The following AGGF1 variants were observed in gnomAD, a reference collection of about 807,000 sequenced individuals.
The protein encoded by AGGF1 is angiogenic factor with G-patch and FHA domains 1, also known as angiogenic factor with G patch and FHA domains 1.
AGGF1 carries 56 observed loss-of-function variants against 86.5 expected under a neutral mutation model. The ratio of observed to expected loss-of-function variants is 0.65; its 90% confidence interval spans 0.52 to 0.81. The LOEUF (loss-of-function observed/expected upper bound fraction) is 0.81, where lower values mean the gene tolerates loss of function less well. Ranked by LOEUF, AGGF1 falls within the 30% of genes least tolerant of loss-of-function variation. The pLI, the probability that AGGF1 is intolerant of heterozygous loss-of-function variation, is 0.00. For synonymous variants in AGGF1, 313 were observed against 297.1 expected (o/e 1.05, Z -0.55); for missense variants, 816 against 850.9 (o/e 0.96, Z 0.51).
rs1394881324 is a variant in AGGF1, at chr5:77,048,168, C to A, written c.1209C>A (p.Asp403Glu). Residue 403 changes from aspartate to glutamate, a missense_variant, in exon 7 of 14, where the codon GAC becomes GAA. By Grantham distance (45) the Asp-to-Glu change is conservative. Coordinates refer to ENST00000312916, the MANE Select transcript of AGGF1 (RefSeq NM_018046.5). ...TAEDSEDEDEDKIWPPCIRVI... is the reference protein window; with the variant it reads ...TAEDSEDEDEEKIWPPCIRVI... The stretch of plus-strand genomic sequence containing the variant: ...CACTTCTTTCCTTGGCAGATGAAGA[C>A]AAAATTTGGCCCCCATGTATTAGAG... The A allele has an allele frequency of 6.2e-7, 1 of 1,609,694 alleles. No individual in the cohort carries two copies. The highest frequency in any genetic ancestry group is 1.7e-5 in the Admixed American group (1 of 60,006).
intron 5 of AGGF1, among the ~76,000 whole-genome samples, chr5:77,041,439 T>G (rs976939506): frequency 7.9e-5 from 12 of 151,958 alleles, no homozygotes; most frequent in Non-Finnish European, 1.5e-4. Flanking sequence ...TGGTGGCAGA[T>G]GCCTGTAATC....
rs544088027 is a variant in AGGF1 at position 77,063,340 on chromosome 5, G to A, written c.*88G>A. The A allele has an allele frequency of 7.8e-7, 1 of 1,284,082 alleles. No homozygotes were observed. The highest frequency in any genetic ancestry group is 2.5e-5 in the East Asian group (1 of 39,944). 79.5% of individuals were successfully genotyped at this position (1,284,082 alleles called of 1,614,324 possible). On this transcript the variant is annotated 3_prime_UTR_variant, in exon 14 of 14. Transcript: ENST00000312916. ...TCTCCCCAAAAGAATCAGCAGCACA[G>A]GGGAACTATGTCACAGTTTACCTCT... is the stretch of plus-strand genomic sequence containing the variant.
chr5:77,031,108 C>A, intron 1 of AGGF1, 132 bp downstream of exon 1: 2 of 970,836 alleles, frequency 2.1e-6, no homozygotes, highest in Non-Finnish European at 3.1e-6. Flanking sequence ...TAAGTAGAAG[C>A]TCAGCGCAGT....
rs1747612857 is a variant in AGGF1, at chr5:77,063,780, A to G, written c.*528A>G. The G allele has an allele frequency of 6.2e-6, 1 of 162,388 alleles. No homozygotes were observed. The highest frequency in any genetic ancestry group is 2.4e-5 in the African/African-American group (1 of 41,502). The allele number at this position is 162,388 out of a possible 1,614,324, so 10.1% of individuals were successfully genotyped here. ...GCCTAAGTAATGTTATTGAAGAACTAATGAACAGGTAACATATTGTAGAAA... is the reference window on the plus strand; with the variant it reads ...GCCTAAGTAATGTTATTGAAGAACTGATGAACAGGTAACATATTGTAGAAA... On this transcript the variant is annotated 3_prime_UTR_variant, in exon 14 of 14. Coordinates refer to ENST00000312916, the MANE Select transcript of AGGF1 (RefSeq NM_018046.5).
chr5:77,048,947 T>A lies in AGGF1; in HGVS notation c.1325T>A (p.Met442Lys). The change falls in exon 8 of 14, where the codon ATG becomes AAG. Residue 442 changes from methionine to lysine, a missense_variant. This residue lies in a region of AGGF1 where 565 missense variants were observed against 585.8 expected (regional missense o/e 0.96). Coordinates refer to ENST00000312916, the MANE Select transcript of AGGF1 (RefSeq NM_018046.5). Reference sequence around the variant, plus strand: ...ACTTAACTCTGCAGAGAAAAGGATATGGAACATACTCTCCGAATCCCTGAA... The same window carrying A: ...ACTTAACTCTGCAGAGAAAAGGATAAGGAACATACTCTCCGAATCCCTGAA... ...NPATIGREKD[M>K]EHTLRIPEVG... 1 of 1,613,778 alleles carries A rather than the reference T, an allele frequency of 6.2e-7. No homozygotes were observed. Among genetic ancestry groups the A allele is most frequent in the Non-Finnish European group, 8.5e-7 (1 of 1,179,852 alleles).
intron 5 of AGGF1, among the ~76,000 whole-genome samples, chr5:77,041,396 G>A (rs1191439547): frequency 2.0e-5 from 3 of 151,770 alleles, no homozygotes; most frequent in Non-Finnish European, 4.4e-5. Context: ...GTGAATCCCC[G>A]TCTCTACTAA....
At position 77,030,469 on chromosome 5, in the gene AGGF1, T is replaced by G. The variant is rs1292629904; in HGVS notation, c.-298T>G. The G allele has an allele frequency of 1.7e-6, 1 of 594,822 alleles. No individual in the cohort carries two copies. The highest frequency in any genetic ancestry group is 3.2e-6 in the Non-Finnish European group (1 of 316,920). The allele number at this position is 594,822 out of a possible 1,614,324, so 36.8% of individuals were successfully genotyped here. ...TCTGGCCTCTGGTTTTCCGACTGCT[T>G]ATCCGACGCTCCTCCCTCTGTCTCT... On this transcript the variant is annotated 5_prime_UTR_variant, in exon 1 of 14. Coordinates refer to ENST00000312916, the MANE Select transcript of AGGF1 (RefSeq NM_018046.5).
intron 11 of AGGF1, among the ~76,000 whole-genome samples, chr5:77,059,377 T>A (rs1225203059): frequency 6.6e-6 from 1 of 152,182 alleles, no homozygotes; most frequent in African/African-American, 2.4e-5. Context: ...GATGGGGGTC[T>A]TGCTGTATTG....
chr5:77,042,885 C>T lies in AGGF1; in HGVS notation c.870+3166C>T, dbSNP rs1458237628. ...CCGACACCCCCACCTCCCTCCCGGG[C>T]GGGGCGGCTGGCCGGGCGGGGGGCC... On this transcript the variant is annotated intron_variant, in intron 5 of 13. Coordinates refer to ENST00000312916, the MANE Select transcript of AGGF1 (RefSeq NM_018046.5). 1.5e-4 allele frequency among the ~76,000 whole-genome samples: 8 copies of T among 52,934 alleles called. 1 individual carries two copies. The highest frequency in any genetic ancestry group is 3.0e-4 in the African/African-American group (5 of 16,634). The allele number at this position is 52,934 out of a possible 152,430, so 34.7% of individuals were successfully genotyped here.
Position 77,035,739 on chromosome 5 carries a change from C to T in AGGF1, c.512C>T (p.Ser171Leu), listed in dbSNP as rs756206014. Reference sequence around the variant, plus strand: ...CAAGTGGACCATTTTGCCTCAAATTCACAGGTAATAAAATGCTAAACATGA... The same window carrying T: ...CAAGTGGACCATTTTGCCTCAAATTTACAGGTAATAAAATGCTAAACATGA... ...YRQVDHFASN[S>L]QEPASALATE... The change falls in exon 3 of 14, where the codon TCA becomes TTA. Residue 171 changes from serine to leucine, a missense_variant. Ser to Leu is a moderately radical substitution (Grantham distance 145, BLOSUM62 -2). Coordinates refer to ENST00000312916, the MANE Select transcript of AGGF1 (RefSeq NM_018046.5). 21 of 1,612,358 alleles carry T rather than the reference C, an allele frequency of 1.3e-5. No homozygotes were observed. The highest frequency in any genetic ancestry group is 1.8e-5 in the Non-Finnish European group (21 of 1,178,634).
intron 1 of AGGF1, among the ~76,000 whole-genome samples, chr5:77,033,302 A>G (rs896962870): frequency 6.6e-6 from 1 of 152,238 alleles, no homozygotes; most frequent in African/African-American, 2.4e-5. Context: ...GCCTTGTGCA[A>G]ATTACTTTGT....
intron 1 of AGGF1, among the ~76,000 whole-genome samples, chr5:77,032,009 C>G (rs991205090): frequency 1.3e-5 from 2 of 152,046 alleles, no homozygotes; most frequent in South Asian, 2.1e-4. Context: ...TCAATTTGAC[C>G]GTTGTCTAGT....
At position 77,034,364 on chromosome 5, in the gene AGGF1, A is replaced by G. The variant is rs988252669; in HGVS notation, c.211-54A>G. 6 of 1,061,994 alleles carry G rather than the reference A, an allele frequency of 5.6e-6. No individual in the cohort carries two copies. The East Asian group carries it at 7.1e-5, about 13-fold the overall frequency. The allele number at this position is 1,061,994 out of a possible 1,614,324, so 65.8% of individuals were successfully genotyped here. A position where few individuals can be genotyped will look rare whatever the true frequency, so the allele number is the denominator to read the frequency against. On this transcript the variant is annotated intron_variant, in intron 1 of 13. Coordinates refer to ENST00000312916, the MANE Select transcript of AGGF1 (RefSeq NM_018046.5). Reference sequence around the variant, plus strand: ...TTGTAACGGTAGGAGACTGGTATATATATTATTAGATTGTTACATGATTTC... The same window carrying G: ...TTGTAACGGTAGGAGACTGGTATATGTATTATTAGATTGTTACATGATTTC...
intron 8 of AGGF1, 74 bp from the exon 9 acceptor site, chr5:77,052,632 A>C (rs1391587672): frequency 9.6e-7 from 1 of 1,042,048 alleles, no homozygotes; most frequent in African/African-American, 1.6e-5. Context: ...AGTTAACATC[A>C]TCATATCATA....
chr5:77,033,690 A>T (rs1407661694), intron 1 of AGGF1, among the ~76,000 whole-genome samples: 1 of 152,216 alleles, frequency 6.6e-6, no homozygotes, highest in Non-Finnish European at 1.5e-5. Context: ...TTAAATAAAT[A>T]TTTAAAAGCT....
In AGGF1 at chr5:77,030,632, G is replaced by T; in HGVS notation, c.-135G>T. 9.9e-7 allele frequency: 1 copy of T among 1,011,296 alleles called. No homozygotes were observed. The highest frequency in any genetic ancestry group is 1.5e-6 in the Non-Finnish European group (1 of 670,082). The allele number at this position is 1,011,296 out of a possible 1,614,324, so 62.6% of individuals were successfully genotyped here. A position where few individuals can be genotyped will look rare whatever the true frequency, so the allele number is the denominator to read the frequency against. On this transcript the variant is annotated 5_prime_UTR_variant, in exon 1 of 14. It adds an upstream start codon to the 5' untranslated region. Coordinates refer to ENST00000312916, the MANE Select transcript of AGGF1 (RefSeq NM_018046.5). ...AGTGAGTTTCAGGGCGTCATGGCCA[G>T]GGGCCACCGCGGCCAGCCGGGTGTG...
chr5:77,048,934 A>G lies in AGGF1; in HGVS notation c.1314-2A>G. On this transcript the variant is annotated splice_acceptor_variant, in intron 7 of 13. Transcript: ENST00000312916. LOFTEE classifies it high-confidence loss of function. ...TTAAAGACACTTTACTTAACTCTGC[A>G]GAGAAAAGGATATGGAACATACTCT... The G allele has an allele frequency of 6.2e-7, 1 of 1,613,608 alleles. No individual in the cohort carries two copies. Among genetic ancestry groups the G allele is most frequent in the Non-Finnish European group, 8.5e-7 (1 of 1,179,716 alleles).
At chr5:77,058,793 G>C (rs1027052818) in intron 11 of AGGF1, among the ~76,000 whole-genome samples, 4 of 152,136 alleles carry the variant, frequency 2.6e-5, no homozygotes, top group Admixed American at 6.5e-5. Flanking sequence ...ATGCTGAATT[G>C]ACTACCCCTT....
At chr5:77,036,765 T>C (rs761156293) in intron 4 of AGGF1, 45 bp downstream of exon 4, 1 of 1,599,012 alleles carries the variant, frequency 6.3e-7, no homozygotes, top group South Asian at 1.1e-5. Flanking sequence ...TTTGAGACAG[T>C]CTCCCTCTGT....
Sources: allele counts gnomAD v4.1 joint callset (sites outside exome capture counted in the v4.1 genomes callset), GRCh38; gene constraint gnomAD v4.1.1; regional missense constraint gnomAD v4.1.1; transcripts MANE v1.5; gene names NCBI Gene and HGNC (gene_info 2026-07-23, HGNC 2026-07-21).